Variants in CTNNA2 observed in about 807,000 individuals in gnomAD.
CTNNA2 encodes catenin alpha-2.
A neutral mutation model predicts 101.0 loss-of-function variants in CTNNA2; 42 were observed. That is an observed-to-expected ratio of 0.42 (90% CI 0.32 to 0.54). The LOEUF (loss-of-function observed/expected upper bound fraction) is 0.54, where lower values mean the gene tolerates loss of function less well. Among genes scored for constraint, CTNNA2 ranks in the 20% least tolerant of loss-of-function variants. The pLI, the probability that CTNNA2 is intolerant of heterozygous loss-of-function variation, is 0.14. For synonymous variants in CTNNA2, 450 were observed against 456.4 expected, an observed-to-expected ratio of 0.99 and a Z score of 0.18; for missense variants, 871 against 1,223.1, an observed-to-expected ratio of 0.71 and a Z score of 4.29.
chr2:79,337,354 GC>G (rs1573092754), intron 3 of CTNNA2, among the ~76,000 whole-genome samples: 1 of 152,062 alleles, frequency 6.6e-6, no homozygotes, highest in East Asian at 1.9e-4. Context: ...AATTCAACAA[GC>G]AAAAACCAAT....
chr2:79,601,037 T>C (rs1425153142), intron 1 of CTNNA2, among the ~76,000 whole-genome samples: 1 of 152,172 alleles, frequency 6.6e-6, no homozygotes, highest in South Asian at 2.1e-4. Flanking sequence ...ACAGTGTGTA[T>C]GTATATATGC....
intron 7 of CTNNA2, among the ~76,000 whole-genome samples, chr2:79,966,220 A>G (rs759520942): frequency 6.6e-6 from 1 of 151,528 alleles, no homozygotes; most frequent in Non-Finnish European, 1.5e-5. Flanking sequence ...CTTCCGTCTT[A>G]TATATATATA....
At chr2:80,163,572 T>C (rs961522561) in intron 7 of CTNNA2, among the ~76,000 whole-genome samples, 3 of 152,162 alleles carry the variant, frequency 2.0e-5, no homozygotes, top group Non-Finnish European at 4.4e-5. Flanking sequence ...AGAGAATCTG[T>C]ATTCTGCTAT....
intron 12 of CTNNA2, among the ~76,000 whole-genome samples, chr2:80,559,772 T>TACTA (rs1447790991): frequency 6.6e-6 from 1 of 151,956 alleles, no homozygotes; most frequent in Non-Finnish European, 1.5e-5. Context: ...AACAGCTTAG[T>TACTA]AGTAAGTACA....
intron 12 of CTNNA2, among the ~76,000 whole-genome samples, chr2:80,566,578 T>G (rs73938509): frequency 0.017 from 2,542 of 152,296 alleles, 66 homozygotes; most frequent in African/African-American, 0.054. Context: ...ATAGCCCTAT[T>G]ACCTTGTGCA....
intron 18 of CTNNA2, among the ~76,000 whole-genome samples, chr2:80,637,925 T>C (rs1673050325): frequency 6.6e-6 from 1 of 152,186 alleles, no homozygotes; most frequent in South Asian, 2.1e-4. Flanking sequence ...AGTTATTAAA[T>C]GGCCTTCAGT....
At chr2:79,873,995 A>C in intron 5 of CTNNA2, 81 bp from the exon 6 acceptor site, 3 of 1,551,690 alleles carry the variant, frequency 1.9e-6, no homozygotes, top group Non-Finnish European at 2.6e-6. Flanking sequence ...TGTTACTAAG[A>C]GTCTGTGACT....
intron 7 of CTNNA2, chr2:80,162,428 C>A (rs1573263963): frequency 6.5e-7 from 1 of 1,545,196 alleles, no homozygotes; most frequent in East Asian, 2.3e-5. Context: ...CCTATAAAAA[C>A]AATGTGCTTT....
chr2:80,261,339 C>T (rs1326346082), intron 7 of CTNNA2, among the ~76,000 whole-genome samples: 3 of 151,872 alleles, frequency 2.0e-5, no homozygotes, highest in African/African-American at 4.8e-5. Context: ...TACAGAACCC[C>T]GTAAAAGTTT....
chr2:80,181,905 G>A (rs1049238256), intron 7 of CTNNA2, among the ~76,000 whole-genome samples: 1 of 152,174 alleles, frequency 6.6e-6, no homozygotes, highest in Non-Finnish European at 1.5e-5. Flanking sequence ...ATATTAAGCA[G>A]CCAACTCCAG....
chr2:79,414,841 C>T (rs549697422), intron 4 of CTNNA2, among the ~76,000 whole-genome samples: 1 of 152,166 alleles, frequency 6.6e-6, no homozygotes, highest in African/African-American at 2.4e-5. Flanking sequence ...CATCCAGCCC[C>T]AGCCAAGCCA....
intron 1 of CTNNA2, among the ~76,000 whole-genome samples, chr2:79,603,292 T>G (rs145621649): frequency 2.6e-5 from 4 of 152,204 alleles, no homozygotes; most frequent in African/African-American, 7.2e-5. Flanking sequence ...TGTAACATTT[T>G]AGAGAAAACT....
intron 16 of CTNNA2, among the ~76,000 whole-genome samples, chr2:80,607,777 G>A (rs1044180110): frequency 5.3e-5 from 8 of 151,828 alleles, no homozygotes; most frequent in Admixed American, 2.0e-4. Context: ...TGTCCATTAT[G>A]CTTGGCAGAG....
In CTNNA2 at chr2:80,368,192, G is replaced by A. The variant is rs1471193713; in HGVS notation, c.1057-25019G>A. ...TGAATTTCTCCCCTCTCCTGTCTAT[G>A]TAATCTTTACCATTTTTAGACTTTC... On this transcript the variant is annotated intron_variant, in intron 7 of 18. Coordinates refer to ENST00000402739, the MANE Select transcript of CTNNA2 (RefSeq NM_001282597.3). Among the ~76,000 whole-genome samples, 3 of 152,036 alleles carry A rather than the reference G, an allele frequency of 2.0e-5. No individual in the cohort carries two copies. The East Asian group carries it at 5.8e-4, about 29-fold the overall frequency.
intron 1 of CTNNA2, chr2:79,633,973 G>T (rs530430920): frequency 1.3e-5 from 2 of 152,286 alleles, no homozygotes; most frequent in Admixed American, 1.3e-4. Context: ...TATAAGAGTT[G>T]AAAATAATTT....
intron 7 of CTNNA2, among the ~76,000 whole-genome samples, chr2:80,248,326 G>A (rs545851703): frequency 6.6e-6 from 1 of 152,086 alleles, no homozygotes; most frequent in South Asian, 2.1e-4. Flanking sequence ...AATTCTTCTT[G>A]TTGTTTCAGA....
chr2:80,009,551 A>G (rs894629048), intron 7 of CTNNA2, among the ~76,000 whole-genome samples: 5 of 152,218 alleles, frequency 3.3e-5, no homozygotes, highest in Non-Finnish European at 7.3e-5. Context: ...GTGCACACAT[A>G]CATGAAAATA....
intron 7 of CTNNA2, among the ~76,000 whole-genome samples, chr2:80,091,377 A>G (rs1052186910): frequency 6.6e-6 from 1 of 152,140 alleles, no homozygotes; most frequent in African/African-American, 2.4e-5. Flanking sequence ...TTAGTTTTCC[A>G]AGGTCTGCAG....
intron 4 of CTNNA2, among the ~76,000 whole-genome samples, chr2:79,411,909 T>C (rs1490032006): frequency 1.3e-5 from 2 of 152,120 alleles, no homozygotes; most frequent in African/African-American, 4.8e-5. Context: ...TATCTTTAAA[T>C]ATAAATGGAC....
Sources: gnomAD v4.1 joint callset for allele counts (sites outside exome capture counted in the v4.1 genomes callset) on GRCh38, gnomAD v4.1.1 for gene constraint, MANE v1.5 for transcripts, NCBI Gene and HGNC (gene_info 2026-07-23, HGNC 2026-07-21) for gene names.